Variants in FAF1 observed in about 807,000 individuals in gnomAD.
FAF1 encodes the protein FAS-associated factor 1.
Under a neutral mutation model 92.5 loss-of-function variants are expected in FAF1, and 25 were observed. The ratio of observed to expected loss-of-function variants is 0.27; its 90% CI spans 0.20 to 0.38. The LOEUF (loss-of-function observed/expected upper bound fraction) is 0.38. Among genes scored for constraint, FAF1 ranks in the 10% least tolerant of loss-of-function variants. FAF1 has a pLI of 1.00. For missense variants in FAF1, 636 were observed against 793.3 expected (o/e 0.80, Z 2.38); for synonymous variants, 234 against 273.2 (o/e 0.86, Z 1.42).
intron 12 of FAF1, among the ~76,000 whole-genome samples, chr1:50,576,276 C>A (rs1304604454): frequency 6.6e-6 from 1 of 152,168 alleles, no homozygotes; most frequent in Non-Finnish European, 1.5e-5. Context: ...GACATAGGCT[C>A]ATTACTTGTT....
At chr1:50,585,895 A>G (rs184812096) in intron 9 of FAF1, among the ~76,000 whole-genome samples, 26 of 149,838 alleles carry the variant, frequency 1.7e-4, no homozygotes, top group African/African-American at 4.2e-4. Flanking sequence ...AAAAAAAAAA[A>G]AAAAAAGAAA....
intron 4 of FAF1, among the ~76,000 whole-genome samples, chr1:50,761,894 A>T (rs1660342782): frequency 6.6e-6 from 1 of 152,192 alleles, no homozygotes; most frequent in Admixed American, 6.5e-5. Flanking sequence ...AGAGGAAGTC[A>T]AATTGTCCCT....
At chr1:50,851,788 G>A (rs1644353507) in intron 2 of FAF1, among the ~76,000 whole-genome samples, 1 of 152,080 alleles carries the variant, frequency 6.6e-6, no homozygotes, top group South Asian at 2.1e-4. Flanking sequence ...TAAGCAGAAG[G>A]TAAAATTGCC....
intron 2 of FAF1, among the ~76,000 whole-genome samples, chr1:50,813,806 AT>A (rs1473169773): frequency 6.6e-6 from 1 of 151,808 alleles, no homozygotes; most frequent in Admixed American, 6.6e-5. Context: ...CCACAGCTTC[AT>A]TTAAAAAAAA....
intron 6 of FAF1, among the ~76,000 whole-genome samples, chr1:50,729,657 T>C (rs550397920): frequency 1.3e-4 from 20 of 150,548 alleles, no homozygotes; most frequent in Non-Finnish European, 2.4e-4. Context: ...TCCGCCTGCG[T>C]TGGCCTCCCA....
chr1:50,732,031 A>C (rs937602458), intron 6 of FAF1, among the ~76,000 whole-genome samples: 12 of 151,996 alleles, frequency 7.9e-5, no homozygotes, highest in African/African-American at 2.9e-4. Context: ...AAAATCTTCT[A>C]TAGCTGACAA....
chr1:50,762,626 T>G (rs900546726), intron 4 of FAF1, among the ~76,000 whole-genome samples: 2 of 152,216 alleles, frequency 1.3e-5, no homozygotes, highest in Non-Finnish European at 2.9e-5. Flanking sequence ...CTGGGAAAAC[T>G]GGCTAGCCAT....
intron 1 of FAF1, among the ~76,000 whole-genome samples, chr1:50,895,207 C>G (rs1457481270): frequency 6.6e-6 from 1 of 151,930 alleles, no homozygotes; most frequent in Non-Finnish European, 1.5e-5. Flanking sequence ...CACAGAAATT[C>G]AAAGGATCAT....
At chr1:50,855,058 A>T (rs1644380195) in intron 2 of FAF1, among the ~76,000 whole-genome samples, 1 of 151,892 alleles carries the variant, frequency 6.6e-6, no homozygotes, top group Non-Finnish European at 1.5e-5. Flanking sequence ...TTTTTGGATT[A>T]GCGATACTAA....
chr1:50,548,790 A>T (rs1649154710), intron 13 of FAF1, among the ~76,000 whole-genome samples: 2 of 152,398 alleles, frequency 1.3e-5, no homozygotes, highest in Middle Eastern at 6.8e-3. Flanking sequence ...TATTAGAGAA[A>T]TTAGGAATTG....
At chr1:50,521,927 C>T (rs1017956486) in intron 15 of FAF1, among the ~76,000 whole-genome samples, 2 of 152,194 alleles carry the variant, frequency 1.3e-5, no homozygotes, top group Non-Finnish European at 1.5e-5. Context: ...TGTTGAGTCA[C>T]AAATCTCTTT....
intron 1 of FAF1, among the ~76,000 whole-genome samples, chr1:50,957,347 C>CTTTTTTTTTTTTTTTTTTTTTTTTTT (rs1188286312): frequency 9.6e-6 from 1 of 104,244 alleles, no homozygotes; most frequent in Non-Finnish European, 1.9e-5. Context: ...TTTTCATTTT[C>CTTTTTTTTTTTTTTTTTTTTTTTTTT]TTTTTTTTTT....
intron 13 of FAF1, among the ~76,000 whole-genome samples, chr1:50,560,641 A>G (rs1210702436): frequency 6.6e-6 from 1 of 152,226 alleles, no homozygotes; most frequent in Non-Finnish European, 1.5e-5. Flanking sequence ...CATCTCAGGT[A>G]CTTACATAAG....
At chr1:50,876,950 C>A (rs1644576773) in intron 1 of FAF1, among the ~76,000 whole-genome samples, 1 of 152,206 alleles carries the variant, frequency 6.6e-6, no homozygotes, top group South Asian at 2.1e-4. Flanking sequence ...AAATAAATAT[C>A]CATGAGTCCA....
At chr1:50,845,778 C>A (rs973939182) in intron 2 of FAF1, among the ~76,000 whole-genome samples, 2 of 151,998 alleles carry the variant, frequency 1.3e-5, no homozygotes, top group Non-Finnish European at 2.9e-5. Flanking sequence ...GAGAAATAAA[C>A]CTCAAACGAA....
chr1:50,886,196 ATC>A (rs1460630259), intron 1 of FAF1, among the ~76,000 whole-genome samples: 1 of 152,268 alleles, frequency 6.6e-6, no homozygotes, highest in East Asian at 1.9e-4. Flanking sequence ...CTCAAGTGAT[ATC>A]TTATTGCTCA....
At chr1:50,666,818 G>A (rs1216173630) in intron 7 of FAF1, among the ~76,000 whole-genome samples, 1 of 152,170 alleles carries the variant, frequency 6.6e-6, no homozygotes, top group Non-Finnish European at 1.5e-5. Context: ...AGGAGGCAGA[G>A]GTTGCAGTGA....
At chr1:50,722,491 ACAAAAACATTAGC>A (rs1442569393) in intron 6 of FAF1, among the ~76,000 whole-genome samples, 1 of 152,136 alleles carries the variant, frequency 6.6e-6, no homozygotes, top group Non-Finnish European at 1.5e-5. Context: ...TACTAAAAAT[ACAAAAACATTAGC>A]CAGGCGTGGC....
chr1:50,475,524 T>A lies in FAF1; in HGVS notation c.1809A>T (p.Val603=). ...CATCCCATGGAAATCCTTTGGAAGC[T>A]ACAAAATCAAAGACAATCTGGAGCT... is the stretch of plus-strand genomic sequence containing the variant. The part of the protein sequence containing the change: ...SNKLQIVFDF[V]ASKGFPWDEY... Residue 603 remains valine, a synonymous_variant, in exon 18 of 19, where the codon GTA becomes GTT. Coordinates refer to ENST00000396153, the MANE Select transcript of FAF1 (RefSeq NM_007051.3). The A allele has an allele frequency of 6.2e-7, 1 of 1,614,090 alleles. No individual in the cohort carries two copies. The highest frequency in any genetic ancestry group is 8.5e-7 in the Non-Finnish European group (1 of 1,179,974).
Sources: gnomAD v4.1 joint callset for allele counts (sites outside exome capture counted in the v4.1 genomes callset) on GRCh38, gnomAD v4.1.1 for gene constraint, MANE v1.5 for transcripts, NCBI Gene and HGNC (gene_info 2026-07-23, HGNC 2026-07-21) for gene names.